Variants in LRRTM4 observed in about 807,000 individuals in gnomAD.
LRRTM4 encodes leucine-rich repeat transmembrane neuronal protein 4.
A neutral mutation model predicts 47.6 loss-of-function variants in LRRTM4; 25 were observed. The ratio of observed to expected loss-of-function variants is 0.53; its 90% CI spans 0.38 to 0.73. The LOEUF (loss-of-function observed/expected upper bound fraction) is 0.73. LRRTM4 is among the 30% of genes least tolerant of loss of function. LRRTM4 has a pLI of 0.00. For synonymous variants in LRRTM4, 311 were observed against 269.5 expected, an observed-to-expected ratio of 1.15 and a Z score of -1.51; for missense variants, 638 against 713.4, an observed-to-expected ratio of 0.89 and a Z score of 1.20.
At chr2:77,437,642 TA>T (rs1675655521) in intron 3 of LRRTM4, among the ~76,000 whole-genome samples, 1 of 152,064 alleles carries the variant, frequency 6.6e-6, no homozygotes, top group Admixed American at 6.5e-5. Context: ...AAAAATGACA[TA>T]AAAAGTACAG....
rs147721990 is a variant in LRRTM4 at position 77,294,980 on chromosome 2, C to T, written c.1551+223338G>A. Among the ~76,000 whole-genome samples the T allele has an allele frequency of 6.1e-3, 935 of 152,114 alleles. 12 individuals carry two copies. Among genetic ancestry groups the T allele is most frequent in the African/African-American group, 0.02 (850 of 41,504 alleles). The stretch of plus-strand genomic sequence containing the variant: ...AGCAACATTTAAATATAATGCAAAT[C>T]ACATTTATGTAACTATCATGAAAAA... On this transcript the variant is annotated intron_variant, in intron 3 of 3. Coordinates refer to ENST00000409884, the MANE Select transcript of LRRTM4 (RefSeq NM_001134745.3).
intron 3 of LRRTM4, among the ~76,000 whole-genome samples, chr2:76,801,129 G>A (rs1348682461): frequency 6.6e-6 from 1 of 152,046 alleles, no homozygotes; most frequent in Non-Finnish European, 1.5e-5. Flanking sequence ...TCTGGAACTG[G>A]AAATACCATT....
intron 3 of LRRTM4, among the ~76,000 whole-genome samples, chr2:77,475,466 A>C (rs1312024713): frequency 6.6e-6 from 1 of 152,062 alleles, no homozygotes; most frequent in Admixed American, 6.6e-5. Flanking sequence ...ATCTATTTTA[A>C]ATAAGCACAT....
At chr2:77,294,644 G>C (rs1375362232) in intron 3 of LRRTM4, among the ~76,000 whole-genome samples, 1 of 152,098 alleles carries the variant, frequency 6.6e-6, no homozygotes, top group Non-Finnish European at 1.5e-5. Context: ...CTTGTAATAA[G>C]ACTCAAGTGT....
intron 3 of LRRTM4, among the ~76,000 whole-genome samples, chr2:77,335,631 A>G (rs555685686): frequency 6.6e-6 from 1 of 152,258 alleles, no homozygotes; most frequent in African/African-American, 2.4e-5. Flanking sequence ...TGCTTATTTT[A>G]TTTGTTACTT....
chr2:77,090,719 C>A (rs940295883), intron 3 of LRRTM4, among the ~76,000 whole-genome samples: 3 of 152,154 alleles, frequency 2.0e-5, no homozygotes, highest in African/African-American at 4.8e-5. Flanking sequence ...TAAGTCATGT[C>A]CCATTTGTGC....
At chr2:76,837,425 T>C (rs1167330404) in intron 3 of LRRTM4, among the ~76,000 whole-genome samples, 1 of 152,076 alleles carries the variant, frequency 6.6e-6, no homozygotes, top group Non-Finnish European at 1.5e-5. Flanking sequence ...CTGCTAGCTT[T>C]TGAATGTGTT....
chr2:77,447,442 A>G (rs990892930), intron 3 of LRRTM4, among the ~76,000 whole-genome samples: 2 of 152,152 alleles, frequency 1.3e-5, no homozygotes, highest in African/African-American at 4.8e-5. Flanking sequence ...TTGGTAGGAA[A>G]CACTGATACC....
chr2:76,974,438 T>A (rs1206317076), intron 3 of LRRTM4, among the ~76,000 whole-genome samples: 8 of 150,970 alleles, frequency 5.3e-5, no homozygotes, highest in Non-Finnish European at 1.2e-4. Context: ...ATATTATTAT[T>A]GTTACAACAT....
chr2:77,154,151 C>A lies in LRRTM4; in HGVS notation c.1551+364167G>T, dbSNP rs542843396. Among the ~76,000 whole-genome samples, 34 of 152,252 alleles carry A rather than the reference C, an allele frequency of 2.2e-4. 2 individuals are homozygous for A. The highest frequency in any genetic ancestry group is 7.2e-4 in the African/African-American group (30 of 41,578). ...ATGCTTGAATTTATTTCCTGGTGCTCCAATAGAAGTTGTGACATTGGTGAA... is the reference window on the plus strand; with the variant it reads ...ATGCTTGAATTTATTTCCTGGTGCTACAATAGAAGTTGTGACATTGGTGAA... On this transcript the variant is annotated intron_variant, in intron 3 of 3. Coordinates refer to ENST00000409884, the MANE Select transcript of LRRTM4 (RefSeq NM_001134745.3).
At chr2:77,281,501 A>T (rs1304140429) in intron 3 of LRRTM4, among the ~76,000 whole-genome samples, 1 of 151,994 alleles carries the variant, frequency 6.6e-6, no homozygotes, top group Non-Finnish European at 1.5e-5. Flanking sequence ...TTTTTTAGAC[A>T]AATGATAAAG....
At chr2:77,084,638 G>T (rs1230203352) in intron 3 of LRRTM4, among the ~76,000 whole-genome samples, 1 of 151,996 alleles carries the variant, frequency 6.6e-6, no homozygotes, top group Non-Finnish European at 1.5e-5. Flanking sequence ...ACTGATTTTG[G>T]TCTGCCATTG....
chr2:77,516,541 C>G, intron 3 of LRRTM4: 9 of 865,192 alleles, frequency 1.0e-5, no homozygotes, highest in African/African-American at 7.3e-5. Context: ...TATATACCAG[C>G]CTTTAAGAGG....
chr2:77,014,925 T>C (rs1235607077), intron 3 of LRRTM4, among the ~76,000 whole-genome samples: 1 of 152,192 alleles, frequency 6.6e-6, no homozygotes, highest in East Asian at 1.9e-4. Context: ...AGAGTGATGA[T>C]TTTTTGATGT....
intron 3 of LRRTM4, among the ~76,000 whole-genome samples, chr2:77,079,201 G>T (rs567779296): frequency 5.9e-5 from 9 of 152,260 alleles, no homozygotes; most frequent in African/African-American, 2.2e-4. Flanking sequence ...TAATAGATTT[G>T]TACTTTATGA....
chr2:77,444,246 G>A (rs943571849), intron 3 of LRRTM4, among the ~76,000 whole-genome samples: 2 of 152,086 alleles, frequency 1.3e-5, no homozygotes, highest in South Asian at 2.1e-4. Context: ...TATTGGCCAC[G>A]TATGACAGAT....
intron 3 of LRRTM4, among the ~76,000 whole-genome samples, chr2:77,258,120 AG>A (rs1179566155): frequency 7.0e-6 from 1 of 142,900 alleles, no homozygotes; most frequent in African/African-American, 3.1e-5. Flanking sequence ...AAAGAAAAAA[AG>A]AAAAAAAAAA....
chr2:77,222,084 A>C (rs1247900790), intron 3 of LRRTM4, among the ~76,000 whole-genome samples: 22 of 152,226 alleles, frequency 1.4e-4, no homozygotes, highest in Admixed American at 1.3e-3. Context: ...ATGGAAACAG[A>C]ACAACCTGCT....
intron 3 of LRRTM4, among the ~76,000 whole-genome samples, chr2:76,782,519 T>C (rs929274891): frequency 6.6e-6 from 1 of 152,220 alleles, no homozygotes; most frequent in African/African-American, 2.4e-5. Flanking sequence ...GACTATGAAT[T>C]ATTACAGCAG....
Sources: allele counts gnomAD v4.1 joint callset (sites outside exome capture counted in the v4.1 genomes callset), GRCh38; gene constraint gnomAD v4.1.1; transcripts MANE v1.5; gene names NCBI Gene and HGNC (gene_info 2026-07-23, HGNC 2026-07-21).